Variants in DENND5A observed in about 807,000 individuals in gnomAD.
The protein encoded by DENND5A is DENN domain-containing protein 5A.
A neutral mutation model predicts 140.3 loss-of-function variants in DENND5A; 64 were observed. The ratio of observed to expected loss-of-function variants is 0.46; its 90% CI spans 0.37 to 0.56. DENND5A has a LOEUF of 0.56. Ranked by LOEUF, DENND5A falls within the 20% of genes least tolerant of loss-of-function variation. The pLI is 0.00. For missense variants in DENND5A, 1,292 were observed against 1,593.8 expected, an observed-to-expected ratio of 0.81 and a Z score of 3.22; for synonymous variants, 605 against 607.7, an observed-to-expected ratio of 1.00 and a Z score of 0.07.
chr11:9,178,435 G>T, intron 7 of DENND5A, 69 bp from the exon 8 acceptor site: 1 of 951,064 alleles, frequency 1.1e-6, no homozygotes, highest in Non-Finnish European at 1.7e-6. Context: ...AAGGGATCCA[G>T]TAGGTTAATT....
At chr11:9,246,795 T>C (rs1851491268) in intron 1 of DENND5A, among the ~76,000 whole-genome samples, 1 of 152,070 alleles carries the variant, frequency 6.6e-6, no homozygotes, top group South Asian at 2.1e-4. Flanking sequence ...AATCAGAAAA[T>C]CTTTGCATCT....
intron 1 of DENND5A, chr11:9,245,220 G>A (rs1851418288): frequency 6.6e-6 from 1 of 150,636 alleles, no homozygotes; most frequent in Non-Finnish European, 1.5e-5. Context: ...AGGAGGTGGA[G>A]GCTGCAGTGA....
At chr11:9,247,240 A>AAC (rs1279436450) in intron 1 of DENND5A, among the ~76,000 whole-genome samples, 2 of 151,686 alleles carry the variant, frequency 1.3e-5, no homozygotes, top group African/African-American at 4.8e-5. Context: ...AAAAAAAAAA[A>AAC]AAAAAAACCC....
In DENND5A at chr11:9,263,264, G is replaced by A. The variant is rs114854656; in HGVS notation, c.109+1697C>T. 3.4e-3 allele frequency among the ~76,000 whole-genome samples: 508 copies of A among 151,188 alleles called. 1 individual carries two copies. Among genetic ancestry groups the A allele is most frequent in the African/African-American group, 0.012 (483 of 41,188 alleles). On this transcript the variant is annotated intron_variant, in intron 1 of 22. Transcript: ENST00000328194. ...ATCACCCAGACTGGAGTGTAGTGGC[G>A]CAATCACCCAGACTGGCGCAATCTC...
At chr11:9,215,349 G>C (rs2136227568) in intron 1 of DENND5A, among the ~76,000 whole-genome samples, 1 of 152,288 alleles carries the variant, frequency 6.6e-6, no homozygotes, top group East Asian at 1.9e-4. Flanking sequence ...ATCCAGTCAG[G>C]ACTGTTCCAA....
intron 1 of DENND5A, among the ~76,000 whole-genome samples, chr11:9,228,805 G>A (rs977180407): frequency 3.9e-5 from 6 of 151,976 alleles, no homozygotes; most frequent in East Asian, 1.9e-4. Context: ...TGCACTCAGC[G>A]TGAGCACGAA....
intron 21 of DENND5A, 88 bp downstream of exon 21, chr11:9,142,634 C>T: frequency 6.6e-7 from 1 of 1,525,218 alleles, no homozygotes; most frequent in Non-Finnish European, 8.9e-7. Flanking sequence ...GGTTCTGCCT[C>T]TCAGAGTGGT....
Position 9,144,147 on chromosome 11 carries a change from G to T in DENND5A, c.3254C>A (p.Ser1085Tyr). ...RPCRTPPLQQ[S>Y]PSVIRRLVTI... ...AACAAGCCTCCGGATGACACTGGGG[G>T]ACTGCTGCAGCGGCGGGGTCCGGCA... Residue 1085 changes from serine (S) to tyrosine (Y), a missense_variant, in exon 19 of 23, where the codon TCC (serine) becomes TAC (tyrosine). Ser to Tyr is a moderately radical substitution (Grantham distance 144). Transcript: ENST00000328194. 2 of 1,614,158 alleles carry T rather than the reference G, an allele frequency of 1.2e-6. No homozygotes were observed. Among genetic ancestry groups the T allele is most frequent in the Non-Finnish European group, 1.7e-6 (2 of 1,180,026 alleles).
intron 5 of DENND5A, among the ~76,000 whole-genome samples, chr11:9,182,762 T>G (rs1040621421): frequency 3.9e-5 from 6 of 152,096 alleles, no homozygotes; most frequent in African/African-American, 1.4e-4. Flanking sequence ...CTGGGAAGGG[T>G]GGCAAGGAGG....
At chr11:9,144,423 C>T in intron 18 of DENND5A, 145 bp from the exon 19 acceptor site, 1 of 818,440 alleles carries the variant, frequency 1.2e-6, no homozygotes, top group Middle Eastern at 3.5e-4. Flanking sequence ...CACCATGTAT[C>T]ATCAGAGAAT....
Position 9,203,670 on chromosome 11 carries a change from G to C in DENND5A, c.939C>G (p.Leu313=), listed in dbSNP as rs369277847. ...TAAGCACTGACTTACGCTGTGAGTA[G>C]AGCAGGATTTGAAACTCCAGAAGGG... ...TCALLEFQIL[L]YSQHYQRLMT... is the part of the protein sequence containing the mutation. Residue 313 remains leucine (L), a synonymous_variant, in exon 4 of 23, where the codon CTC becomes CTG. Coordinates refer to ENST00000328194, the MANE Select transcript of DENND5A (RefSeq NM_015213.4). 66 of 1,613,028 alleles carry C rather than the reference G, an allele frequency of 4.1e-5. No homozygotes were observed. The African/African-American group carries it at 6.3e-4, about 15-fold the overall frequency.
chr11:9,262,765 G>A (rs898979678), intron 1 of DENND5A, among the ~76,000 whole-genome samples: 7 of 150,550 alleles, frequency 4.6e-5, no homozygotes, highest in African/African-American at 4.9e-5. Context: ...ACGGAGTCTC[G>A]CTCTGTCGCC....
At chr11:9,223,585 G>T (rs1850406386) in intron 1 of DENND5A, among the ~76,000 whole-genome samples, 1 of 151,852 alleles carries the variant, frequency 6.6e-6, no homozygotes, top group Non-Finnish European at 1.5e-5. Context: ...GGGTGTGATG[G>T]CACCACACCT....
intron 4 of DENND5A, among the ~76,000 whole-genome samples, chr11:9,196,935 A>G (rs886970178): frequency 2.0e-5 from 3 of 151,954 alleles, no homozygotes; most frequent in African/African-American, 7.3e-5. Flanking sequence ...AATATACCAT[A>G]CAGATTTCAT....
At chr11:9,189,447 C>G (rs983350720) in intron 5 of DENND5A, among the ~76,000 whole-genome samples, 17 of 152,132 alleles carry the variant, frequency 1.1e-4, no homozygotes, top group Non-Finnish European at 1.9e-4. Flanking sequence ...ATCCTTCAGA[C>G]CCCAGAATGG....
intron 1 of DENND5A, among the ~76,000 whole-genome samples, chr11:9,220,452 C>T (rs1315774366): frequency 6.6e-6 from 1 of 151,996 alleles, no homozygotes; most frequent in Non-Finnish European, 1.5e-5. Context: ...GAAGCTGAGG[C>T]AGGAGAATCA....
intron 13 of DENND5A, among the ~76,000 whole-genome samples, chr11:9,152,011 A>C (rs1201015969): frequency 6.6e-6 from 1 of 152,226 alleles, no homozygotes; most frequent in African/African-American, 2.4e-5. Context: ...AGATAATCAT[A>C]ATGCCCATGT....
chr11:9,152,276 T>C, intron 13 of DENND5A, 82 bp downstream of exon 13: 1 of 1,014,278 alleles, frequency 9.9e-7, no homozygotes, highest in East Asian at 2.4e-5. Flanking sequence ...CGACCTGGAA[T>C]AGTTTGCTTC....
At chr11:9,156,814 G>C (rs1847818355) in intron 12 of DENND5A, among the ~76,000 whole-genome samples, 1 of 151,192 alleles carries the variant, frequency 6.6e-6, no homozygotes, top group Admixed American at 6.6e-5. Flanking sequence ...AAGAGAGAAG[G>C]GGAGGGGAGG....
Sources: allele counts gnomAD v4.1 joint callset (sites outside exome capture counted in the v4.1 genomes callset), GRCh38; gene constraint gnomAD v4.1.1; transcripts MANE v1.5; gene names NCBI Gene and HGNC (gene_info 2026-07-23, HGNC 2026-07-21).